The following LRP1B variants were observed in gnomAD, a reference collection of about 807,000 sequenced individuals.
LRP1B encodes LDL receptor related protein 1B.
LRP1B carries 217 observed loss-of-function variants against 556.6 expected under a neutral mutation model. That is an observed-to-expected ratio of 0.39 (90% CI 0.35 to 0.44). The LOEUF (loss-of-function observed/expected upper bound fraction) is 0.44. Among genes scored for constraint, LRP1B ranks in the 20% least tolerant of loss-of-function variants. The probability of loss-of-function intolerance (pLI) is 1.00; values close to 1 mark genes in which losing one functional copy is unlikely to be tolerated. For missense variants in LRP1B, 5,053 were observed against 5,620.8 expected (o/e 0.90, Z 3.23); for synonymous variants, 2,047 against 1,865.8 (o/e 1.10, Z -2.50).
chr2:140,341,964 C>T (rs564015228), intron 77 of LRP1B, among the ~76,000 whole-genome samples: 131 of 151,248 alleles, frequency 8.7e-4, no homozygotes, highest in African/African-American at 3.0e-3. Flanking sequence ...AAAGTTAAAT[C>T]GAGGTTTTTC....
At chr2:141,419,760 G>T (rs772015389) in intron 3 of LRP1B, among the ~76,000 whole-genome samples, 7 of 151,256 alleles carry the variant, frequency 4.6e-5, no homozygotes, top group Non-Finnish European at 7.4e-5. Context: ...ATTTATTTCT[G>T]CTCTAATCTT....
At chr2:141,976,176 T>A (rs1701881523) in intron 1 of LRP1B, among the ~76,000 whole-genome samples, 1 of 152,094 alleles carries the variant, frequency 6.6e-6, no homozygotes, top group East Asian at 1.9e-4. Flanking sequence ...TTGGTTCAGA[T>A]AAGTGAAAAA....
intron 1 of LRP1B, among the ~76,000 whole-genome samples, chr2:142,111,516 A>G (rs1344299505): frequency 6.6e-6 from 1 of 152,156 alleles, no homozygotes; most frequent in Non-Finnish European, 1.5e-5. Context: ...GAGAGTCTTG[A>G]GAGAGCCTTT....
chr2:141,673,792 A>G (rs1251577687), intron 2 of LRP1B, among the ~76,000 whole-genome samples: 1 of 152,072 alleles, frequency 6.6e-6, no homozygotes, highest in Non-Finnish European at 1.5e-5. Flanking sequence ...TTTCAAATCT[A>G]TATTACATCA....
At chr2:140,514,421 T>A (rs182194157) in intron 51 of LRP1B, among the ~76,000 whole-genome samples, 1 of 152,024 alleles carries the variant, frequency 6.6e-6, no homozygotes, top group Admixed American at 6.6e-5. Flanking sequence ...AATGTACAAA[T>A]ACATTTGTTG....
In LRP1B at chr2:140,464,056, C is replaced by T. The variant is rs113714816; in HGVS notation, c.9626-6405G>A. On this transcript the variant is annotated intron_variant, in intron 60 of 90. Transcript: ENST00000389484. ...ACTAAAAATACAAAAATTAGCCAGG[C>T]GTGGTGGTGCATGCCTGTAGTCCCA... 9.2e-5 allele frequency among the ~76,000 whole-genome samples: 14 copies of T among 151,920 alleles called. 1 individual carries two copies. Among genetic ancestry groups the T allele is most frequent in the African/African-American group, 2.4e-4 (10 of 41,446 alleles).
intron 32 of LRP1B, among the ~76,000 whole-genome samples, chr2:140,810,638 G>A (rs1363539411): frequency 6.6e-6 from 1 of 152,086 alleles, no homozygotes; most frequent in Non-Finnish European, 1.5e-5. Context: ...CTCTTCCCCT[G>A]ATTCTCTTTG....
intron 1 of LRP1B, among the ~76,000 whole-genome samples, chr2:141,898,217 C>T (rs553149921): frequency 3.3e-5 from 5 of 152,218 alleles, no homozygotes; most frequent in Middle Eastern, 3.4e-3. Context: ...TGTCCTCCAT[C>T]GCCTCCACCA....
At chr2:140,587,836 T>C (rs1682047538) in intron 43 of LRP1B, among the ~76,000 whole-genome samples, 2 of 152,122 alleles carry the variant, frequency 1.3e-5, no homozygotes, top group African/African-American at 4.8e-5. Context: ...CAAATCTTAA[T>C]AGCAGCGAGG....
chr2:141,319,433 A>AT (rs372048185), intron 3 of LRP1B, among the ~76,000 whole-genome samples: 6 of 150,912 alleles, frequency 4.0e-5, no homozygotes, highest in Non-Finnish European at 8.9e-5. Context: ...TTTTGAGACA[A>AT]TTTTTTTTAA....
chr2:140,290,692 C>T (rs1228997732), intron 84 of LRP1B, among the ~76,000 whole-genome samples: 1 of 152,036 alleles, frequency 6.6e-6, no homozygotes, highest in East Asian at 1.9e-4. Flanking sequence ...GCTGGGCCTG[C>T]CATAAGCTTA....
intron 84 of LRP1B, among the ~76,000 whole-genome samples, chr2:140,275,514 C>A (rs565316953): frequency 6.6e-6 from 1 of 152,058 alleles, no homozygotes; most frequent in Admixed American, 6.6e-5. Flanking sequence ...GACTCATACC[C>A]CTGCACCAGA....
At chr2:140,328,534 G>C (rs1680619129) in intron 79 of LRP1B, among the ~76,000 whole-genome samples, 1 of 151,418 alleles carries the variant, frequency 6.6e-6, no homozygotes, top group African/African-American at 2.4e-5. Context: ...ACAGTATTAA[G>C]AGGCAGGACT....
At chr2:140,768,805 C>T (rs187824202) in intron 35 of LRP1B, among the ~76,000 whole-genome samples, 2 of 151,828 alleles carry the variant, frequency 1.3e-5, no homozygotes, top group East Asian at 1.9e-4. Flanking sequence ...CATTTGCCAC[C>T]GCTTGTATTA....
chr2:141,832,854 TGAAG>T (rs1340314251), intron 1 of LRP1B, among the ~76,000 whole-genome samples: 1 of 151,880 alleles, frequency 6.6e-6, no homozygotes, highest in Non-Finnish European at 1.5e-5. Context: ...TTTCACAAAA[TGAAG>T]CAGGTATATT....
intron 3 of LRP1B, among the ~76,000 whole-genome samples, chr2:141,475,809 A>G (rs1053822674): frequency 3.9e-5 from 6 of 152,082 alleles, no homozygotes; most frequent in Non-Finnish European, 5.9e-5. Context: ...ACTCCAAGGG[A>G]AGATCATCTC....
chr2:141,756,715 G>A (rs1694334359), intron 2 of LRP1B, among the ~76,000 whole-genome samples: 1 of 151,928 alleles, frequency 6.6e-6, no homozygotes, highest in South Asian at 2.1e-4. Flanking sequence ...TACTTACATT[G>A]TGTTACAGCT....
In LRP1B at chr2:140,903,002, A is replaced by G. The variant is rs535012511; in HGVS notation, c.3684T>C (p.Cys1228=). ...ACTTGACTGTGTGCTTGTGCTGCTC[A>G]CATACTTGGCTGCACTTTAGATGAT... ...CSNHLKCSQV[C]EQHKHTVKCS... is the part of the protein sequence containing the mutation. The change falls in exon 23 of 91, where the codon TGT becomes TGC. Residue 1228 remains cysteine (C), a synonymous_variant. Coordinates refer to ENST00000389484, the MANE Select transcript of LRP1B (RefSeq NM_018557.3). The G allele has an allele frequency of 6.2e-7, 1 of 1,613,760 alleles. No homozygotes were observed. Among genetic ancestry groups the G allele is most frequent in the Admixed American group, 1.7e-5 (1 of 59,958 alleles).
At chr2:140,422,674 A>G (rs932543726) in intron 66 of LRP1B, among the ~76,000 whole-genome samples, 3 of 152,206 alleles carry the variant, frequency 2.0e-5, no homozygotes, top group Admixed American at 2.0e-4. Flanking sequence ...TGAAAAGGAT[A>G]AAAAGAAGAA....
Sources: allele counts gnomAD v4.1 joint callset (sites outside exome capture counted in the v4.1 genomes callset), GRCh38; gene constraint gnomAD v4.1.1; transcripts MANE v1.5; gene names NCBI Gene and HGNC (gene_info 2026-07-23, HGNC 2026-07-21).